Variants in NTRK3 observed in about 807,000 individuals in gnomAD.
NTRK3 encodes the protein neurotrophic receptor tyrosine kinase 3.
Under a neutral mutation model 91.7 loss-of-function variants are expected in NTRK3, and 24 were observed. The ratio of observed to expected loss-of-function variants is 0.26; its 90% CI spans 0.19 to 0.37. NTRK3 has a LOEUF of 0.37. NTRK3 is among the 10% of genes least tolerant of loss of function. The pLI, the probability that NTRK3 is intolerant of heterozygous loss-of-function variation, is 1.00. For synonymous variants in NTRK3, 483 were observed against 404.0 expected (o/e 1.20, Z -2.34); for missense variants, 880 against 1,068.9 (o/e 0.82, Z 2.46).
intron 3 of NTRK3, among the ~76,000 whole-genome samples, chr15:88,221,752 G>A (rs992481101): frequency 3.3e-5 from 5 of 152,232 alleles, no homozygotes; most frequent in East Asian, 1.9e-4. Context: ...CCGTAGTGAC[G>A]GGTGAATGGG....
exon 19 of NTRK3, chr15:87,874,284 CCT>C (rs1323373697): frequency 1.6e-4 from 6 of 36,968 alleles, no homozygotes; most frequent in Admixed American, 3.6e-4. Context: ...CTGCTCTGCC[CCT>C]CTCTCTCTGG....
At chr15:88,156,481 C>A (rs530181895) in intron 5 of NTRK3, among the ~76,000 whole-genome samples, 2 of 152,290 alleles carry the variant, frequency 1.3e-5, no homozygotes, top group African/African-American at 4.8e-5. Context: ...AGCCCCTCCC[C>A]CTAGCTAACC....
At chr15:88,219,518 C>G (rs1340480871) in intron 3 of NTRK3, among the ~76,000 whole-genome samples, 1 of 152,250 alleles carries the variant, frequency 6.6e-6, no homozygotes. Flanking sequence ...CCTTAGGAGA[C>G]AGAACCAATC....
chr15:87,899,437 T>C (rs777355450), intron 17 of NTRK3, among the ~76,000 whole-genome samples: 30 of 145,654 alleles, frequency 2.1e-4, no homozygotes, highest in Non-Finnish European at 3.9e-4. Flanking sequence ...TCATGAAGCA[T>C]TCGAACTCCA....
intron 13 of NTRK3, among the ~76,000 whole-genome samples, chr15:88,071,548 C>T (rs984128501): frequency 6.6e-6 from 1 of 152,222 alleles, no homozygotes; most frequent in Non-Finnish European, 1.5e-5. Flanking sequence ...GAAAAAGGAA[C>T]AGATATTTAT....
chr15:87,975,187 A>G (rs2073617091), intron 14 of NTRK3, among the ~76,000 whole-genome samples: 1 of 152,194 alleles, frequency 6.6e-6, no homozygotes, highest in South Asian at 2.1e-4. Context: ...AACCAGTTCC[A>G]GGACCTCATC....
chr15:87,954,648 G>A (rs1204508599), intron 14 of NTRK3, among the ~76,000 whole-genome samples: 2 of 152,334 alleles, frequency 1.3e-5, no homozygotes, highest in East Asian at 3.9e-4. Flanking sequence ...TTTCATTGAA[G>A]AGACTTCCCC....
intron 5 of NTRK3, among the ~76,000 whole-genome samples, chr15:88,162,227 A>T (rs1223361533): frequency 6.6e-6 from 1 of 152,260 alleles, no homozygotes; most frequent in African/African-American, 2.4e-5. Context: ...ACTCATGAAC[A>T]GCTCATTTCT....
intron 5 of NTRK3, among the ~76,000 whole-genome samples, chr15:88,182,137 G>A (rs1420811672): frequency 7.9e-5 from 12 of 152,080 alleles, no homozygotes; most frequent in Admixed American, 7.9e-4. Context: ...CCCTGGGGCT[G>A]ATACACCTGG....
chr15:87,999,163 T>A (rs530357414), intron 14 of NTRK3, among the ~76,000 whole-genome samples: 1 of 152,310 alleles, frequency 6.6e-6, no homozygotes, highest in African/African-American at 2.4e-5. Context: ...CAGGATATTT[T>A]AACAAACACC....
intron 13 of NTRK3, among the ~76,000 whole-genome samples, chr15:88,085,066 A>G (rs915117957): frequency 8.5e-5 from 13 of 152,226 alleles, no homozygotes; most frequent in Admixed American, 5.9e-4. Context: ...AAAAGAGTAG[A>G]AAACAAGATA....
At chr15:87,902,385 T>C (rs1349915574) in intron 17 of NTRK3, among the ~76,000 whole-genome samples, 1 of 152,262 alleles carries the variant, frequency 6.6e-6, no homozygotes, top group African/African-American at 2.4e-5. Flanking sequence ...AGATAATGTG[T>C]TCAACTGTGG....
At chr15:88,135,915 A>G (rs775585655) in exon 9 of NTRK3, 3 of 1,614,226 alleles carry the variant, frequency 1.9e-6, no homozygotes, top group South Asian at 2.2e-5. Flanking sequence ...CAGTGAGGGC[A>G]ACACTGGCAT....
At chr15:88,073,410 G>T (rs961215425) in intron 13 of NTRK3, among the ~76,000 whole-genome samples, 10 of 152,176 alleles carry the variant, frequency 6.6e-5, no homozygotes, top group Non-Finnish European at 1.2e-4. Flanking sequence ...CTCCCAGCTT[G>T]TTACTGATAT....
exon 10 of NTRK3, chr15:88,135,269 T>C (rs1175370179): frequency 6.2e-7 from 1 of 1,614,174 alleles, no homozygotes; most frequent in South Asian, 1.1e-5. Context: ...TGGATGATCT[T>C]GGACTCCCGC....
At chr15:88,250,638 T>G (rs2053252309) in intron 3 of NTRK3, among the ~76,000 whole-genome samples, 1 of 152,124 alleles carries the variant, frequency 6.6e-6, no homozygotes, top group South Asian at 2.1e-4. Context: ...TACCCCCCTA[T>G]TAATCAACCG....
intron 13 of NTRK3, among the ~76,000 whole-genome samples, chr15:88,096,381 C>G (rs1567393073): frequency 6.6e-6 from 1 of 152,250 alleles, no homozygotes; most frequent in South Asian, 2.1e-4. Flanking sequence ...GACTATCAAC[C>G]AAGGATGACC....
At chr15:88,002,072 G>T (rs1222129509) in intron 14 of NTRK3, among the ~76,000 whole-genome samples, 1 of 150,730 alleles carries the variant, frequency 6.6e-6, no homozygotes, top group African/African-American at 2.4e-5. Flanking sequence ...ATGGGAGATT[G>T]TGAACTCTTC....
At chr15:88,166,670 G>T (rs1283273322) in intron 5 of NTRK3, among the ~76,000 whole-genome samples, 2 of 152,160 alleles carry the variant, frequency 1.3e-5, no homozygotes, top group Admixed American at 6.5e-5. Context: ...GGGAACGTTG[G>T]ACTCCTGACC....
Sources: gnomAD v4.1 joint callset for allele counts (sites outside exome capture counted in the v4.1 genomes callset) on GRCh38, gnomAD v4.1.1 for gene constraint, MANE v1.5 for transcripts, NCBI Gene and HGNC (gene_info 2026-07-23, HGNC 2026-07-21) for gene names.